The following SMCO4 variants were observed in gnomAD, a reference collection of about 807,000 sequenced individuals.
SMCO4 encodes single-pass membrane and coiled-coil domain-containing protein 4.
A neutral mutation model predicts 3.6 loss-of-function variants in SMCO4; 4 were observed. The observed-to-expected ratio is 1.11, with a 90% CI of 0.54 to 2.53. The LOEUF (loss-of-function observed/expected upper bound fraction) is 2.53. Ranked by LOEUF, SMCO4 falls within the 30% of genes most tolerant of loss-of-function variation. The pLI is 0.02. For synonymous variants in SMCO4, 36 were observed against 35.3 expected, an observed-to-expected ratio of 1.02 and a Z score of -0.07; for missense variants, 70 against 80.8, an observed-to-expected ratio of 0.87 and a Z score of 0.51.
intron 2 of SMCO4, among the ~76,000 whole-genome samples, chr11:93,485,416 C>A (rs537322461): frequency 1.3e-5 from 2 of 152,264 alleles, no homozygotes; most frequent in East Asian, 3.8e-4. Context: ...TGCTGGAATG[C>A]GCTTTTCCCT....
chr11:93,483,339 C>T (rs57467434), intron 2 of SMCO4, among the ~76,000 whole-genome samples: 5 of 152,164 alleles, frequency 3.3e-5, no homozygotes, highest in East Asian at 1.9e-4. Flanking sequence ...CTGCACCGGG[C>T]GGCCTCCTGG....
intron 2 of SMCO4, among the ~76,000 whole-genome samples, chr11:93,483,194 T>G (rs904542650): frequency 3.3e-5 from 5 of 152,118 alleles, no homozygotes; most frequent in African/African-American, 1.2e-4. Flanking sequence ...GTCTGGGAAG[T>G]TGGGAGGCAG....
the SMCO4 span, among the ~76,000 whole-genome samples, chr11:93,550,253 C>T: frequency 6.6e-6 from 1 of 152,138 alleles, no homozygotes; most frequent in Non-Finnish European, 1.5e-5. Flanking sequence ...GAAATAAGAG[C>T]GTCATTAACA....
At position 93,514,404 on chromosome 11, in the gene SMCO4, A is replaced by ATG. The variant is rs1565383035; in HGVS notation, c.-153-15057_-153-15056insCA. On this transcript the variant is annotated intron_variant, in intron 1 of 2. Coordinates refer to ENST00000298966, the MANE Select transcript of SMCO4 (RefSeq NM_020179.3). ...TATATATATATATATATATATATAT[A>ATG]TATATATATATATATATAAAATTTG... Among the ~76,000 whole-genome samples, 34 of 55,612 alleles carry ATG rather than the reference A, an allele frequency of 6.1e-4. 1 individual carries two copies. The highest frequency in any genetic ancestry group is 2.6e-3 in the African/African-American group (30 of 11,426). The allele number at this position is 55,612 out of a possible 152,430, so 36.5% of individuals were successfully genotyped here.
intron 1 of SMCO4, among the ~76,000 whole-genome samples, chr11:93,519,362 C>T (rs757878317): frequency 3.3e-5 from 5 of 152,206 alleles, no homozygotes; most frequent in Admixed American, 6.5e-5. Flanking sequence ...AAGCAAGACA[C>T]TGACATGACA....
chr11:93,537,588 A>T (rs1331541035), intron 1 of SMCO4, among the ~76,000 whole-genome samples: 1 of 152,082 alleles, frequency 6.6e-6, no homozygotes, highest in Non-Finnish European at 1.5e-5. Flanking sequence ...AAGCAAAAAG[A>T]ACGAGAAAAG....
At chr11:93,484,124 C>G (rs531346297) in intron 2 of SMCO4, among the ~76,000 whole-genome samples, 8 of 152,318 alleles carry the variant, frequency 5.3e-5, no homozygotes, top group Non-Finnish European at 1.0e-4. Flanking sequence ...TCCTACCCCC[C>G]ACCAGCACAC....
At chr11:93,486,238 G>T (rs950558006) in intron 2 of SMCO4, among the ~76,000 whole-genome samples, 8 of 152,238 alleles carry the variant, frequency 5.3e-5, no homozygotes, top group Admixed American at 5.2e-4. Flanking sequence ...TGGTTAGAAA[G>T]TCAATAGTGC....
intron 2 of SMCO4, among the ~76,000 whole-genome samples, chr11:93,491,423 C>G (rs962501965): frequency 6.6e-6 from 1 of 152,192 alleles, no homozygotes; most frequent in African/African-American, 2.4e-5. Flanking sequence ...TTGTTGTTTA[C>G]TTACAATGTG....
chr11:93,504,525 C>T (rs913212779), intron 1 of SMCO4, among the ~76,000 whole-genome samples: 5 of 152,226 alleles, frequency 3.3e-5, no homozygotes, highest in Non-Finnish European at 7.3e-5. Context: ...AGTTAATAAA[C>T]ATGTAAATGT....
At chr11:93,518,161 T>G (rs982516233) in intron 1 of SMCO4, among the ~76,000 whole-genome samples, 3 of 152,250 alleles carry the variant, frequency 2.0e-5, no homozygotes, top group Non-Finnish European at 1.5e-5. Flanking sequence ...TCTATGGATT[T>G]ACCTATTCTG....
chr11:93,551,481 G>T, the SMCO4 span, among the ~76,000 whole-genome samples: 1 of 152,316 alleles, frequency 6.6e-6, no homozygotes, highest in African/African-American at 2.4e-5. Context: ...AGGTGCAGAG[G>T]CAAGACAGGG....
At chr11:93,545,022 G>A (rs993542989), upstream of SMCO4, among the ~76,000 whole-genome samples, 2 of 152,194 alleles carry the variant, frequency 1.3e-5, no homozygotes, top group African/African-American at 4.8e-5. Context: ...GAGGGATTGG[G>A]AGCATATGGG....
At chr11:93,534,215 TACACACACACACACACACACACACACAC>T (rs71064754) in intron 1 of SMCO4, among the ~76,000 whole-genome samples, 34,309 of 128,298 alleles carry the variant, frequency 0.27, 6,589 homozygotes, top group African/African-American at 0.44. Flanking sequence ...AATATATATA[TACACACACACACACACACACACACACAC>T]ACACACACAC....
intron 2 of SMCO4, among the ~76,000 whole-genome samples, chr11:93,479,636 C>G (rs1948568384): frequency 6.6e-6 from 1 of 152,214 alleles, no homozygotes; most frequent in Admixed American, 6.5e-5. Flanking sequence ...CTTTCCTGCT[C>G]TAAGTTCCAT....
At chr11:93,536,526 G>GA (rs1344583904) in intron 1 of SMCO4, among the ~76,000 whole-genome samples, 1 of 152,160 alleles carries the variant, frequency 6.6e-6, no homozygotes, top group East Asian at 1.9e-4. Flanking sequence ...TATACTATGT[G>GA]AAAAAAGCAG....
upstream of SMCO4, among the ~76,000 whole-genome samples, chr11:93,547,746 A>G (rs1949324297): frequency 6.6e-6 from 1 of 152,242 alleles, no homozygotes; most frequent in African/African-American, 2.4e-5. Flanking sequence ...TTAACTTTGT[A>G]GGAAGAAGGA....
At chr11:93,491,487 G>A (rs1368470981) in intron 2 of SMCO4, among the ~76,000 whole-genome samples, 1 of 152,122 alleles carries the variant, frequency 6.6e-6, no homozygotes, top group African/African-American at 2.4e-5. Context: ...ACATCCCCGT[G>A]CTGTTGGCTC....
At chr11:93,531,753 C>G (rs1247789050) in intron 1 of SMCO4, among the ~76,000 whole-genome samples, 1 of 152,064 alleles carries the variant, frequency 6.6e-6, no homozygotes, top group South Asian at 2.1e-4. Flanking sequence ...TCTTGGGGCC[C>G]CCAAATCACT....
Sources: gnomAD v4.1 joint callset for allele counts (sites outside exome capture counted in the v4.1 genomes callset) on GRCh38, gnomAD v4.1.1 for gene constraint, MANE v1.5 for transcripts, NCBI Gene and HGNC (gene_info 2026-07-23, HGNC 2026-07-21) for gene names.